Variants in SETD7 observed in about 807,000 individuals in gnomAD.
SETD7 encodes the protein SET domain containing 7, histone lysine methyltransferase.
A neutral mutation model predicts 41.8 loss-of-function variants in SETD7; 16 were observed. That is an observed-to-expected ratio of 0.38 (90% confidence interval 0.26 to 0.58). SETD7 has a LOEUF of 0.58. SETD7 is among the 20% of genes least tolerant of loss of function. SETD7 has a pLI of 0.64. For synonymous variants in SETD7, 163 were observed against 169.7 expected (o/e 0.96, Z 0.31); for missense variants, 346 against 459.7 (o/e 0.75, Z 2.26).
intron 2 of SETD7, among the ~76,000 whole-genome samples, chr4:139,540,810 G>T (rs1017192834): frequency 3.3e-5 from 5 of 152,196 alleles, no homozygotes; most frequent in African/African-American, 1.2e-4. Context: ...GAACACAAAA[G>T]AAACTTTTGC....
At position 139,511,752 on chromosome 4, in the gene SETD7, C is replaced by T; in HGVS notation, c.1012G>A (p.Asp338Asn). ...CCACTCTTCCCGGGGGGGCTGTGGT[C>T]ATAGCCATAGGCAACGGTGAGCTCT... is the stretch of plus-strand genomic sequence containing the variant. ...DEELTVAYGYDHSPPGKSGPE... is the reference protein window; with the variant it reads ...DEELTVAYGYNHSPPGKSGPE... The change falls in exon 8 of 8, where the codon GAC becomes AAC. Residue 338 changes from aspartate (D) to asparagine (N), a missense_variant. Transcript: ENST00000274031. 1 of 1,614,134 alleles carries T rather than the reference C, an allele frequency of 6.2e-7. No homozygotes were observed. Among genetic ancestry groups the T allele is most frequent in the Non-Finnish European group, 8.5e-7 (1 of 1,180,014 alleles).
At chr4:139,502,037 A>G (rs143317647), downstream of SETD7, among the ~76,000 whole-genome samples, 769 of 152,338 alleles carry the variant, frequency 5.0e-3, 7 homozygotes, top group African/African-American at 0.017. Context: ...AATTTTACAA[A>G]TAGAAAAAAC....
chr4:139,526,433 C>A (rs1178771477), intron 4 of SETD7, among the ~76,000 whole-genome samples: 1 of 105,816 alleles, frequency 9.5e-6, no homozygotes, highest in Non-Finnish European at 1.9e-5. Flanking sequence ...CTATGCCCAG[C>A]TAATTTTTTT....
chr4:139,502,459 G>A (rs1019472746), downstream of SETD7, among the ~76,000 whole-genome samples: 20 of 152,198 alleles, frequency 1.3e-4, no homozygotes, highest in African/African-American at 4.6e-4. Flanking sequence ...TGGCTCTCTG[G>A]GAGAAAGACA....
intron 2 of SETD7, among the ~76,000 whole-genome samples, chr4:139,541,384 G>C (rs923638040): frequency 1.3e-5 from 2 of 152,148 alleles, no homozygotes; most frequent in East Asian, 3.8e-4. Flanking sequence ...AAAAATTAGA[G>C]ATGTGTGTAT....
intron 4 of SETD7, among the ~76,000 whole-genome samples, chr4:139,526,446 T>G (rs1315558080): frequency 6.6e-6 from 1 of 150,640 alleles, no homozygotes; most frequent in Non-Finnish European, 1.5e-5. Flanking sequence ...ATTTTTTTTT[T>G]TTTTTTTTGT....
chr4:139,504,047 A>C (rs1307318273), downstream of SETD7, among the ~76,000 whole-genome samples: 3 of 152,194 alleles, frequency 2.0e-5, no homozygotes, highest in Non-Finnish European at 2.9e-5. Flanking sequence ...GCAGAGTGGA[A>C]AGATGGGAAG....
intron 4 of SETD7, 124 bp downstream of exon 4, chr4:139,528,907 C>T (rs1727403994): frequency 3.6e-6 from 3 of 836,262 alleles, no homozygotes; most frequent in Admixed American, 2.7e-5. Flanking sequence ...TGCAATAAAA[C>T]CTGACTAATA....
chr4:139,515,187 A>G (rs1425499057), intron 7 of SETD7, among the ~76,000 whole-genome samples: 3 of 123,372 alleles, frequency 2.4e-5, no homozygotes, highest in Non-Finnish European at 5.3e-5. Context: ...AAAAAAAAAA[A>G]AAGGGTACAT....
At chr4:139,501,775 A>G (rs1027226168), downstream of SETD7, among the ~76,000 whole-genome samples, 1 of 152,188 alleles carries the variant, frequency 6.6e-6, no homozygotes, top group African/African-American at 2.4e-5. Context: ...CACTCATTAA[A>G]CAATCGAGAA....
At chr4:139,536,141 T>C (rs987642659) in intron 2 of SETD7, among the ~76,000 whole-genome samples, 2 of 152,318 alleles carry the variant, frequency 1.3e-5, no homozygotes, top group African/African-American at 4.8e-5. Context: ...GCCTCGATTT[T>C]ACTCTCACCA....
intron 1 of SETD7, among the ~76,000 whole-genome samples, chr4:139,550,727 G>T (rs185996535): frequency 1.3e-5 from 2 of 152,310 alleles, no homozygotes; most frequent in East Asian, 3.9e-4. Flanking sequence ...TGTCATGTCA[G>T]TAAGTCAATT....
chr4:139,521,964 A>G (rs1045257586), intron 5 of SETD7, among the ~76,000 whole-genome samples: 3 of 152,250 alleles, frequency 2.0e-5, no homozygotes, highest in African/African-American at 7.2e-5. Context: ...AACCTCAGCC[A>G]ACCTATAGAA....
Position 139,533,339 on chromosome 4 carries a change from A to C in SETD7, c.198T>G (p.Asp66Glu), listed in dbSNP as rs1727544484. ...GSTLEGYYVD[D>E]ALQGQGVYTY... is the part of the protein sequence containing the mutation. ...TGTAAACTCCCTGGCCCTGCAAGGC[A>C]TCATCCACATAATACCCCTCCAGGG... Residue 66 changes from aspartate to glutamate, a missense_variant, in exon 3 of 8, where the codon GAT becomes GAG. Physicochemically the swap from Asp to Glu is conservative, Grantham distance 45. Transcript: ENST00000274031. 1.2e-6 allele frequency: 2 copies of C among 1,613,948 alleles called. No homozygotes were observed. Among genetic ancestry groups the C allele is most frequent in the Non-Finnish European group, 1.7e-6 (2 of 1,179,998 alleles).
intron 2 of SETD7, among the ~76,000 whole-genome samples, chr4:139,543,799 A>C (rs896561483): frequency 4.8e-5 from 3 of 62,760 alleles, no homozygotes; most frequent in Admixed American, 4.5e-4. Context: ...AAAAAAATAC[A>C]AAAAAAAAAA....
At chr4:139,526,966 T>G (rs561967534) in intron 4 of SETD7, among the ~76,000 whole-genome samples, 3 of 152,328 alleles carry the variant, frequency 2.0e-5, no homozygotes, top group African/African-American at 7.2e-5. Context: ...ACTTTTCATT[T>G]TGGAGTAATT....
chr4:139,531,030 T>TG (rs1256220075), intron 3 of SETD7, among the ~76,000 whole-genome samples: 1 of 151,958 alleles, frequency 6.6e-6, no homozygotes, highest in Non-Finnish European at 1.5e-5. Context: ...CTCCTCCTCG[T>TG]GGGGGGAGAA....
intron 2 of SETD7, among the ~76,000 whole-genome samples, chr4:139,540,830 G>A (rs1327490387): frequency 6.6e-6 from 1 of 152,192 alleles, no homozygotes; most frequent in African/African-American, 2.4e-5. Flanking sequence ...CCGCATGTGG[G>A]AGGTTGGAAT....
At chr4:139,544,915 C>A (rs758683572) in intron 2 of SETD7, among the ~76,000 whole-genome samples, 32 of 151,784 alleles carry the variant, frequency 2.1e-4, no homozygotes, top group Non-Finnish European at 4.3e-4. Flanking sequence ...GCAAGGACTT[C>A]TTTTTAGTAT....
Sources: gnomAD v4.1 joint callset for allele counts (sites outside exome capture counted in the v4.1 genomes callset) on GRCh38, gnomAD v4.1.1 for gene constraint, MANE v1.5 for transcripts, NCBI Gene and HGNC (gene_info 2026-07-23, HGNC 2026-07-21) for gene names.